The following CHST11 variants were observed in gnomAD, a reference collection of about 807,000 sequenced individuals.
The protein encoded by CHST11 is carbohydrate sulfotransferase 11.
CHST11 carries 9 observed loss-of-function variants against 30.4 expected under a neutral mutation model. The observed-to-expected ratio is 0.30, with a 90% CI of 0.18 to 0.52. The LOEUF (loss-of-function observed/expected upper bound fraction) is 0.52. Ranked by LOEUF, CHST11 falls within the 20% of genes least tolerant of loss-of-function variation. The pLI, the probability that CHST11 is intolerant of heterozygous loss-of-function variation, is 0.97. For synonymous variants in CHST11, 152 were observed against 187.8 expected (o/e 0.81, Z 1.56); for missense variants, 348 against 460.6 (o/e 0.76, Z 2.24).
At chr12:104,754,870 T>C (rs573940532) in intron 2 of CHST11, among the ~76,000 whole-genome samples, 1 of 152,328 alleles carries the variant, frequency 6.6e-6, no homozygotes, top group East Asian at 1.9e-4. Flanking sequence ...GATGGCATGT[T>C]ATAGTTCAGC....
intron 1 of CHST11, among the ~76,000 whole-genome samples, chr12:104,509,669 C>T (rs2037943751): frequency 6.6e-6 from 1 of 152,132 alleles, no homozygotes; most frequent in Admixed American, 6.5e-5. Flanking sequence ...ACCATGGTTG[C>T]AGAGGTGTGG....
chr12:104,575,798 C>T (rs1312616345), intron 1 of CHST11, among the ~76,000 whole-genome samples: 1 of 152,084 alleles, frequency 6.6e-6, no homozygotes, highest in East Asian at 2.0e-4. Context: ...AAGGGCCCGT[C>T]CTGCCCTTTC....
chr12:104,496,593 G>T (rs1475877188), intron 1 of CHST11, among the ~76,000 whole-genome samples: 1 of 152,194 alleles, frequency 6.6e-6, no homozygotes, highest in African/African-American at 2.4e-5. Context: ...TAATGGCACA[G>T]GGCCATTCTA....
chr12:104,634,798 G>A (rs2039307606), intron 2 of CHST11, among the ~76,000 whole-genome samples: 2 of 152,216 alleles, frequency 1.3e-5, no homozygotes, highest in South Asian at 4.1e-4. Flanking sequence ...TTCAGACCAG[G>A]CATTAACCTC....
At chr12:104,604,712 C>G (rs576488273) in intron 2 of CHST11, among the ~76,000 whole-genome samples, 1 of 152,282 alleles carries the variant, frequency 6.6e-6, no homozygotes, top group East Asian at 1.9e-4. Context: ...GACAAACCCT[C>G]TAGTTGCTAG....
chr12:104,602,282 G>C, intron 2 of CHST11: 1 of 461,070 alleles, frequency 2.2e-6, no homozygotes, highest in Non-Finnish European at 3.8e-6. Context: ...ATGGGACTCG[G>C]GAATTAAAGG....
intron 2 of CHST11, among the ~76,000 whole-genome samples, chr12:104,660,798 A>G (rs150273985): frequency 8.5e-5 from 13 of 152,330 alleles, no homozygotes; most frequent in South Asian, 2.1e-4. Context: ...TCCACCTGCA[A>G]TCTTGATCAA....
intron 1 of CHST11, among the ~76,000 whole-genome samples, chr12:104,532,953 C>T (rs1565977432): frequency 1.3e-5 from 2 of 152,180 alleles, no homozygotes; most frequent in South Asian, 2.1e-4. Context: ...CTTTTTATTT[C>T]CTTTTAGAGA....
intron 2 of CHST11, among the ~76,000 whole-genome samples, chr12:104,705,026 A>T (rs1039326510): frequency 6.6e-6 from 1 of 152,180 alleles, no homozygotes; most frequent in African/African-American, 2.4e-5. Context: ...TATGAATAAT[A>T]TTATAATATG....
At chr12:104,635,554 A>C (rs890669280) in intron 2 of CHST11, among the ~76,000 whole-genome samples, 1 of 152,238 alleles carries the variant, frequency 6.6e-6, no homozygotes, top group South Asian at 2.1e-4. Flanking sequence ...GTCTTTGAAC[A>C]AGACTAAAAA....
chr12:104,648,656 A>C (rs1421123259), intron 2 of CHST11, among the ~76,000 whole-genome samples: 1 of 151,368 alleles, frequency 6.6e-6, no homozygotes, highest in East Asian at 1.9e-4. Context: ...CTAAAAATAC[A>C]AAAAAAAATT....
chr12:104,646,229 A>AC (rs1267459942), intron 2 of CHST11, among the ~76,000 whole-genome samples: 1 of 149,928 alleles, frequency 6.7e-6, no homozygotes, highest in African/African-American at 2.5e-5. Flanking sequence ...CTTCCACCCC[A>AC]CTTTCTCCTC....
chr12:104,687,207 T>A (rs1257310416), intron 2 of CHST11, among the ~76,000 whole-genome samples: 1 of 152,248 alleles, frequency 6.6e-6, no homozygotes, highest in Non-Finnish European at 1.5e-5. Flanking sequence ...CACCAGCTCT[T>A]CTGGAACTAT....
chr12:104,475,698 T>TATA (rs1278264209), intron 1 of CHST11, among the ~76,000 whole-genome samples: 1 of 39,772 alleles, frequency 2.5e-5, no homozygotes, highest in Non-Finnish European at 8.1e-5. Context: ...ATATTTCTGA[T>TATA]TATGAAATTA....
chr12:104,624,688 T>C (rs993660545), intron 2 of CHST11, among the ~76,000 whole-genome samples: 1 of 152,114 alleles, frequency 6.6e-6, no homozygotes, highest in South Asian at 2.1e-4. Context: ...TTCTAGCTAG[T>C]ATTGGGATTA....
intron 1 of CHST11, among the ~76,000 whole-genome samples, chr12:104,599,263 C>T (rs1429574108): frequency 1.3e-5 from 2 of 152,176 alleles, no homozygotes; most frequent in Admixed American, 1.3e-4. Context: ...ACGGTCAAAG[C>T]ATTTTAAAGG....
intron 2 of CHST11, among the ~76,000 whole-genome samples, chr12:104,688,880 G>C (rs1031241292): frequency 2.6e-5 from 4 of 152,222 alleles, no homozygotes; most frequent in African/African-American, 4.8e-5. Flanking sequence ...CAGCTCCTCA[G>C]GAGGTTGAGG....
At chr12:104,516,688 C>T (rs994115390) in intron 1 of CHST11, among the ~76,000 whole-genome samples, 2 of 152,052 alleles carry the variant, frequency 1.3e-5, no homozygotes, top group Non-Finnish European at 2.9e-5. Flanking sequence ...AAATTGGCCT[C>T]TTTGCCTGGG....
intron 2 of CHST11, among the ~76,000 whole-genome samples, chr12:104,654,617 G>A (rs1047899526): frequency 6.6e-6 from 1 of 152,088 alleles, no homozygotes; most frequent in African/African-American, 2.4e-5. Flanking sequence ...CCTATGGGGG[G>A]TAATGTCCCC....
Sources: allele counts gnomAD v4.1 joint callset (sites outside exome capture counted in the v4.1 genomes callset), GRCh38; gene constraint gnomAD v4.1.1; transcripts MANE v1.5; gene names NCBI Gene and HGNC (gene_info 2026-07-23, HGNC 2026-07-21).